DAAM2: variants seen among roughly 807,000 people sequenced by gnomAD.
The protein encoded by DAAM2 is disheveled-associated activator of morphogenesis 2.
In DAAM2, 39 loss-of-function variants were observed where a neutral mutation model predicts 120.7. The ratio of observed to expected loss-of-function variants is 0.32; its 90% CI spans 0.25 to 0.42. DAAM2 has a LOEUF of 0.42. Among genes scored for constraint, DAAM2 ranks in the 10% least tolerant of loss-of-function variants. The pLI is 1.00. For missense variants in DAAM2, 1,283 were observed against 1,401.7 expected (o/e 0.92, Z 1.35); for synonymous variants, 488 against 524.9 (o/e 0.93, Z 0.96).
At chr6:39,814,390 C>A (rs953084066) in intron 1 of DAAM2, among the ~76,000 whole-genome samples, 8 of 152,090 alleles carry the variant, frequency 5.3e-5, no homozygotes, top group Non-Finnish European at 1.2e-4. Context: ...AGCCAGCCTC[C>A]CCTTTGACCT....
At chr6:39,800,013 A>G (rs1369059936) in intron 1 of DAAM2, among the ~76,000 whole-genome samples, 4 of 152,212 alleles carry the variant, frequency 2.6e-5, no homozygotes, top group Non-Finnish European at 5.9e-5. Flanking sequence ...TGTCAAGGTC[A>G]TCCTTACACT....
In DAAM2 at chr6:39,873,182, C is replaced by T; in HGVS notation, c.1045-56C>T. ...TGGATGGAAGCAGGGTCTTCTCTCT[C>T]CTGCTGACTTCCTCTGCTGCCTACC... On this transcript the variant is annotated intron_variant, in intron 9 of 24. Transcript: ENST00000274867. The T allele has an allele frequency of 5.2e-6, 6 of 1,164,582 alleles. No homozygotes were observed. The South Asian group carries it at 5.2e-5, about 10-fold the overall frequency. 72.1% of individuals were successfully genotyped at this position (1,164,582 alleles called of 1,614,324 possible).
At chr6:39,876,726 T>TGC (rs111746687) in intron 11 of DAAM2, among the ~76,000 whole-genome samples, 84,254 of 148,664 alleles carry the variant, frequency 0.57, 23,797 homozygotes, top group East Asian at 0.77. Context: ...TGTGTGTGTG[T>TGC]GTGCGTGTGT....
Position 39,891,424 on chromosome 6 carries a change from C to T in DAAM2, c.2229C>T (p.Asp743=). Reference sequence around the variant, plus strand: ...AAATTGAGCGGATGGCCCGTGCTGACCGCTTCCTCTATGAAATGAGCAGGT... The same window carrying T: ...AAATTGAGCGGATGGCCCGTGCTGATCGCTTCCTCTATGAAATGAGCAGGT... ...KHEIERMARA[D]RFLYEMSRID... is the part of the protein sequence containing the mutation. Residue 743 remains aspartate (D), a synonymous_variant, in exon 18 of 25, where the codon GAC becomes GAT. Coordinates refer to ENST00000274867, the MANE Select transcript of DAAM2 (RefSeq NM_001201427.2). 6.2e-7 allele frequency: 1 copy of T among 1,609,182 alleles called. No individual in the cohort carries two copies. Among genetic ancestry groups the T allele is most frequent in the South Asian group, 1.1e-5 (1 of 89,788 alleles).
chr6:39,853,405 C>T (rs997065366), intron 1 of DAAM2, among the ~76,000 whole-genome samples: 3 of 152,188 alleles, frequency 2.0e-5, no homozygotes, highest in Non-Finnish European at 2.9e-5. Flanking sequence ...CCCCTGTATG[C>T]ACGAGGTCCT....
chr6:39,863,683 C>G (rs1764307063), intron 3 of DAAM2, among the ~76,000 whole-genome samples: 1 of 152,096 alleles, frequency 6.6e-6, no homozygotes, highest in Admixed American at 6.5e-5. Flanking sequence ...GATTTTCAGT[C>G]AACATTAATA....
At chr6:39,868,437 C>A (rs1764516527) in intron 6 of DAAM2, 1 of 232,402 alleles carries the variant, frequency 4.3e-6, no homozygotes, top group Non-Finnish European at 8.5e-6. Flanking sequence ...TTGCCAAAAA[C>A]TGGGTCCTGA....
rs1430820441 is a variant in DAAM2, at chr6:39,828,570, C to CTTTTTTTTTTTTTTTTTTTTTTTT, written c.-56-27666_-56-27665insTTTTTTTTTTTTTTTTTTTTTTTT. On this transcript the variant is annotated intron_variant, in intron 1 of 24. Coordinates refer to ENST00000274867, the MANE Select transcript of DAAM2 (RefSeq NM_001201427.2). ...GCTAATTCCCTCCACCCCCCTCCGT[C>CTTTTTTTTTTTTTTTTTTTTTTTT]TTTTTTTTTTTGAGACGGATTCTTG... Among the ~76,000 whole-genome samples, 3 of 142,554 alleles carry CTTTTTTTTTTTTTTTTTTTTTTTT rather than the reference C, an allele frequency of 2.1e-5. 1 individual carries two copies. The highest frequency in any genetic ancestry group is 3.0e-5 in the Non-Finnish European group (2 of 65,972). The allele number at this position is 142,554 out of a possible 152,430, so 93.5% of individuals were successfully genotyped here.
chr6:39,872,851 C>G (rs1231731256), intron 9 of DAAM2, among the ~76,000 whole-genome samples: 1 of 152,050 alleles, frequency 6.6e-6, no homozygotes, highest in Non-Finnish European at 1.5e-5. Context: ...ATCAGTAGCT[C>G]TCAAGCAGGG....
chr6:39,824,873 C>A (rs1762612692), intron 1 of DAAM2, among the ~76,000 whole-genome samples: 1 of 152,208 alleles, frequency 6.6e-6, no homozygotes, highest in African/African-American at 2.4e-5. Flanking sequence ...GAAAGGCCAG[C>A]TGGATGAGAA....
chr6:39,889,287 G>C (rs1765555960), intron 17 of DAAM2, among the ~76,000 whole-genome samples: 1 of 152,200 alleles, frequency 6.6e-6, no homozygotes, highest in African/African-American at 2.4e-5. Flanking sequence ...CTTCATGAAA[G>C]AGGATTTCCA....
chr6:39,811,593 C>T (rs969076577), intron 1 of DAAM2, among the ~76,000 whole-genome samples: 1 of 152,160 alleles, frequency 6.6e-6, no homozygotes, highest in African/African-American at 2.4e-5. Flanking sequence ...CTTAAATCAC[C>T]TCATGATCCC....
chr6:39,898,550 T>A (rs970565270), intron 21 of DAAM2, among the ~76,000 whole-genome samples: 1 of 152,220 alleles, frequency 6.6e-6, no homozygotes, highest in Non-Finnish European at 1.5e-5. Context: ...AAAGAGCTTA[T>A]AAGCATTACC....
intron 1 of DAAM2, among the ~76,000 whole-genome samples, chr6:39,845,801 C>G (rs1000334052): frequency 1.3e-5 from 2 of 152,012 alleles, no homozygotes; most frequent in African/African-American, 4.8e-5. Context: ...ATTCCTAGTC[C>G]TCTTTGCCAT....
intron 19 of DAAM2, 134 bp from the exon 20 acceptor site, chr6:39,896,678 C>A (rs1766111022): frequency 1.5e-6 from 1 of 679,736 alleles, no homozygotes. Context: ...TAGGTATAAT[C>A]TCTGCCTCAC....
chr6:39,836,153 TC>T (rs1763093948), intron 1 of DAAM2, among the ~76,000 whole-genome samples: 1 of 152,132 alleles, frequency 6.6e-6, no homozygotes, highest in South Asian at 2.1e-4. Context: ...ACAGCAGACC[TC>T]CCCCCTGTGC....
chr6:39,866,225 A>AG (rs1328163989), intron 5 of DAAM2, among the ~76,000 whole-genome samples: 4 of 152,186 alleles, frequency 2.6e-5, no homozygotes, highest in African/African-American at 4.8e-5. Context: ...CAGGAAATAA[A>AG]GGGGTTGAGA....
chr6:39,888,204 C>G (rs951162163), intron 16 of DAAM2: 6 of 156,898 alleles, frequency 3.8e-5, no homozygotes, highest in Non-Finnish European at 8.5e-5. Flanking sequence ...CTGATTGGGA[C>G]AGCTGTGTGG....
intron 1 of DAAM2, among the ~76,000 whole-genome samples, chr6:39,831,576 A>T (rs535581645): frequency 6.6e-6 from 1 of 151,568 alleles, no homozygotes. Flanking sequence ...CAGGAAGTCT[A>T]ACTCCTGAGT....
Sources: gnomAD v4.1 joint callset for allele counts (sites outside exome capture counted in the v4.1 genomes callset) on GRCh38, gnomAD v4.1.1 for gene constraint, MANE v1.5 for transcripts, NCBI Gene and HGNC (gene_info 2026-07-23, HGNC 2026-07-21) for gene names.